BCAT1: variants seen among roughly 807,000 people sequenced by gnomAD.
The protein encoded by BCAT1 is branched-chain-amino-acid aminotransferase, cytosolic.
BCAT1 carries 48 observed loss-of-function variants against 52.4 expected under a neutral mutation model. The ratio of observed to expected loss-of-function variants is 0.92; its 90% CI spans 0.73 to 1.16. The LOEUF (loss-of-function observed/expected upper bound fraction) is 1.16. Among genes scored for constraint, BCAT1 ranks in the 50% most tolerant of loss-of-function variants. BCAT1 has a pLI of 0.00. For missense variants in BCAT1, 451 were observed against 457.1 expected, an observed-to-expected ratio of 0.99 and a Z score of 0.12; for synonymous variants, 167 against 161.3, an observed-to-expected ratio of 1.04 and a Z score of -0.27.
At position 24,814,576 on chromosome 12, in the gene BCAT1, T is replaced by C. The variant is rs1939802648; in HGVS notation, c.*3432A>G. On this transcript the variant is annotated 3_prime_UTR_variant, in exon 11 of 11. Transcript: ENST00000261192. Reference sequence around the variant, plus strand: ...GCTCCAACAATTCTTTTGACTAAGATATACTCATTAATTGCCTCCAAGTGT... The same window carrying C: ...GCTCCAACAATTCTTTTGACTAAGACATACTCATTAATTGCCTCCAAGTGT... 6.6e-6 allele frequency: 1 copy of C among 152,156 alleles called. No homozygotes were observed. Among genetic ancestry groups the C allele is most frequent in the Non-Finnish European group, 1.5e-5 (1 of 68,022 alleles). The allele number at this position is 152,156 out of a possible 1,614,324, so 9.4% of individuals were successfully genotyped here. A position where few individuals can be genotyped will look rare whatever the true frequency, so the allele number is the denominator to read the frequency against.
chr12:24,894,546 GAAA>G (rs61127951), intron 2 of BCAT1, 71 bp from the exon 3 acceptor site: 23 of 994,120 alleles, frequency 2.3e-5, no homozygotes, highest in Non-Finnish European at 2.9e-5. Flanking sequence ...ATACAGAGGG[GAAA>G]AAAAAAAAGG....
rs757837648 is a variant in BCAT1, at chr12:24,902,913, TC to T, written c.7-1029del. ...GCTACCGAGACCCGGGTTCCAATCC[TC>T]CCCCCTTCCGCAAACGCCCGGGTTC... is the stretch of plus-strand genomic sequence containing the variant. On this transcript the variant is annotated intron_variant, in intron 1 of 10. Coordinates refer to ENST00000261192, the MANE Select transcript of BCAT1 (RefSeq NM_005504.7). 89 of 1,509,964 alleles carry T rather than the reference TC, an allele frequency of 5.9e-5. 1 individual carries two copies. The South Asian group carries it at 1.0e-3, about 18-fold the overall frequency. 93.5% of individuals were successfully genotyped at this position (1,509,964 alleles called of 1,614,324 possible). A position where few individuals can be genotyped will look rare whatever the true frequency, so the allele number is the denominator to read the frequency against.
intron 5 of BCAT1, among the ~76,000 whole-genome samples, chr12:24,854,242 A>G (rs1427296716): frequency 6.6e-6 from 1 of 152,242 alleles, no homozygotes; most frequent in East Asian, 1.9e-4. Context: ...GAAGAGTACT[A>G]TTAGCCTATG....
chr12:24,915,451 A>G (rs1943393022), intron 1 of BCAT1, among the ~76,000 whole-genome samples: 1 of 152,242 alleles, frequency 6.6e-6, no homozygotes, highest in Non-Finnish European at 1.5e-5. Flanking sequence ...AGCAATAGGA[A>G]TTAGATAAAT....
At chr12:24,818,583 G>A (rs995879868) in intron 10 of BCAT1, among the ~76,000 whole-genome samples, 1 of 152,152 alleles carries the variant, frequency 6.6e-6, no homozygotes, top group African/African-American at 2.4e-5. Flanking sequence ...AAATGATTCC[G>A]ACATGCACTA....
intron 8 of BCAT1, chr12:24,834,602 G>T (rs1940841611): frequency 1.0e-6 from 1 of 979,116 alleles, no homozygotes; most frequent in Non-Finnish European, 1.2e-6. Context: ...CAAAGCTCTT[G>T]GCAATATTCA....
At chr12:24,891,979 G>GA (rs1942856311) in intron 3 of BCAT1, among the ~76,000 whole-genome samples, 1 of 150,866 alleles carries the variant, frequency 6.6e-6, no homozygotes, top group Non-Finnish European at 1.5e-5. Flanking sequence ...GGATGGTCTC[G>GA]ATCTCCTGAC....
intron 2 of BCAT1, among the ~76,000 whole-genome samples, chr12:24,898,556 C>T (rs1009373584): frequency 4.5e-4 from 14 of 30,810 alleles, no homozygotes; most frequent in Non-Finnish European, 6.2e-4. Context: ...TGCTCTGTTG[C>T]CCAGGCTGGA....
At chr12:24,834,918 C>T (rs1425463195) in intron 8 of BCAT1, 2 of 354,528 alleles carry the variant, frequency 5.6e-6, no homozygotes, top group Non-Finnish European at 8.0e-6. Context: ...ATAGTGGTGA[C>T]CCCCTACATG....
At chr12:24,902,177 C>A in intron 1 of BCAT1, 2 of 1,431,060 alleles carry the variant, frequency 1.4e-6, no homozygotes, top group Non-Finnish European at 9.1e-7. Context: ...CAGGGTTCGC[C>A]GGCAAAGAAC....
chr12:24,946,945 A>G (rs1769770603), intron 1 of BCAT1, among the ~76,000 whole-genome samples: 1 of 152,220 alleles, frequency 6.6e-6, no homozygotes, highest in African/African-American at 2.4e-5. Context: ...TAGTTCTGAA[A>G]TCCAGTGAAA....
intron 5 of BCAT1, among the ~76,000 whole-genome samples, chr12:24,861,148 G>A (rs557202132): frequency 2.0e-5 from 3 of 152,214 alleles, no homozygotes; most frequent in South Asian, 2.1e-4. Context: ...TCATTGTTTC[G>A]AGTTTTTTCT....
Position 24,850,914 on chromosome 12 carries a change from C to CA in BCAT1, c.511-966dup, listed in dbSNP as rs564508062. ...AAGTTTTTTTATTTAACAATATCTT[C>CA]AAAAAAACAGGGAATGAATGACTTA... On this transcript the variant is annotated intron_variant, in intron 5 of 10. Coordinates refer to ENST00000261192, the MANE Select transcript of BCAT1 (RefSeq NM_005504.7). Among the ~76,000 whole-genome samples, 24 of 151,966 alleles carry CA rather than the reference C, an allele frequency of 1.6e-4. No individual in the cohort carries two copies. In the East Asian group the frequency reaches 2.3e-3, roughly 15 times the overall value.
At chr12:24,860,941 T>C (rs2139515894) in intron 5 of BCAT1, among the ~76,000 whole-genome samples, 1 of 152,336 alleles carries the variant, frequency 6.6e-6, no homozygotes, top group Admixed American at 6.5e-5. Flanking sequence ...AAGTCAATTT[T>C]TAAAAAGCCT....
chr12:24,940,304 A>G (rs1943829132), intron 1 of BCAT1, among the ~76,000 whole-genome samples: 1 of 151,788 alleles, frequency 6.6e-6, no homozygotes, highest in African/African-American at 2.4e-5. Flanking sequence ...ACAATCCCTC[A>G]TTTCAAGCTT....
At chr12:24,834,454 T>A in intron 8 of BCAT1, 1 of 983,992 alleles carries the variant, frequency 1.0e-6, no homozygotes, top group Non-Finnish European at 1.2e-6. Context: ...TAATTCTTGT[T>A]CTTTTACCTC....
chr12:24,834,105 T>G, intron 8 of BCAT1: 1 of 969,870 alleles, frequency 1.0e-6, no homozygotes, highest in Non-Finnish European at 1.2e-6. Flanking sequence ...GGATTATAGT[T>G]GTGAGCCACT....
intron 5 of BCAT1, among the ~76,000 whole-genome samples, chr12:24,867,382 A>C (rs946079459): frequency 2.1e-5 from 3 of 143,470 alleles, no homozygotes; most frequent in Non-Finnish European, 4.5e-5. Context: ...TGAGATCTGG[A>C]CTCAGCATTC....
At chr12:24,859,464 CA>C (rs1941788373) in intron 5 of BCAT1, among the ~76,000 whole-genome samples, 1 of 151,628 alleles carries the variant, frequency 6.6e-6, no homozygotes, top group Non-Finnish European at 1.5e-5. Context: ...ACTAAAAACA[CA>C]AAAAAATTAG....
Sources: allele counts gnomAD v4.1 joint callset (sites outside exome capture counted in the v4.1 genomes callset), GRCh38; gene constraint gnomAD v4.1.1; transcripts MANE v1.5; gene names NCBI Gene and HGNC (gene_info 2026-07-23, HGNC 2026-07-21).